The following CLK4 variants were observed in gnomAD, a reference collection of about 807,000 sequenced individuals.
CLK4 encodes the protein dual specificity protein kinase CLK4.
A neutral mutation model predicts 64.4 loss-of-function variants in CLK4; 37 were observed. The observed-to-expected ratio is 0.57, with a 90% CI of 0.44 to 0.76. The LOEUF (loss-of-function observed/expected upper bound fraction) is 0.76, where lower values mean the gene tolerates loss of function less well. Among genes scored for constraint, CLK4 ranks in the 30% least tolerant of loss-of-function variants. The pLI, the probability that CLK4 is intolerant of heterozygous loss-of-function variation, is 0.00. For missense variants in CLK4, 457 were observed against 605.1 expected, an observed-to-expected ratio of 0.76 and a Z score of 2.57; for synonymous variants, 175 against 191.6, an observed-to-expected ratio of 0.91 and a Z score of 0.72.
At chr5:178,623,178 A>C in intron 2 of CLK4, 78 bp downstream of exon 2, 1 of 1,316,444 alleles carries the variant, frequency 7.6e-7, no homozygotes, top group Non-Finnish European at 1.1e-6. Context: ...AATTTGACAG[A>C]TGAAAGCTAT....
At position 178,617,112 on chromosome 5, in the gene CLK4, TTAGA is replaced by T. The variant is rs1320361706; in HGVS notation, c.476-168_476-165del. The T allele has an allele frequency of 6.2e-6, 4 of 649,996 alleles. No individual in the cohort carries two copies. Among genetic ancestry groups the T allele is most frequent in the Non-Finnish European group, 1.1e-5 (4 of 368,522 alleles). 40.3% of individuals were successfully genotyped at this position (649,996 alleles called of 1,614,324 possible). A position where few individuals can be genotyped will look rare whatever the true frequency, so the allele number is the denominator to read the frequency against. On this transcript the variant is annotated intron_variant, in intron 4 of 12. Coordinates refer to ENST00000316308, the MANE Select transcript of CLK4 (RefSeq NM_020666.3). This position sits in a 1 kb window ranked among gnomAD's most constrained non-coding sequence, Gnocchi z 5.2. ...TTAGTTTCAGCTGCTACAAAAACAATTAGATAGAGCTATCTTTCTTGCTCTAATC... is the reference window on the plus strand; with the variant it reads ...TTAGTTTCAGCTGCTACAAAAACAATTAGAGCTATCTTTCTTGCTCTAATC...
chr5:178,613,874 A>C (rs372801870), intron 5 of CLK4, 31 bp from the exon 6 acceptor site: 8 of 1,527,270 alleles, frequency 5.2e-6, no homozygotes, highest in Non-Finnish European at 7.3e-6. Context: ...AAAAATGATA[A>C]ATGTACAAGA....
At chr5:178,613,669 T>C (rs1562128636) in intron 6 of CLK4, 30 bp from the exon 7 acceptor site, 1 of 1,607,098 alleles carries the variant, frequency 6.2e-7, no homozygotes, top group Non-Finnish European at 8.5e-7. Context: ...TAATTCAGTT[T>C]ATGGAAACCT....
chr5:178,616,846 A>C (rs745906262), intron 5 of CLK4, 36 bp downstream of exon 5: 3 of 1,447,382 alleles, frequency 2.1e-6, no homozygotes, highest in Non-Finnish European at 1.9e-6. Flanking sequence ...CCCACCAAAA[A>C]CATCAGAATG....
At chr5:178,615,486 T>C (rs760725428) in intron 5 of CLK4, among the ~76,000 whole-genome samples, 2 of 152,208 alleles carry the variant, frequency 1.3e-5, no homozygotes, top group Non-Finnish European at 2.9e-5. Flanking sequence ...ATTCACATAT[T>C]TGTTGCAGAA....
In CLK4 at chr5:178,617,514, C is replaced by A; in HGVS notation, c.385-80G>T. On this transcript the variant is annotated intron_variant, in intron 3 of 12. Coordinates refer to ENST00000316308, the MANE Select transcript of CLK4 (RefSeq NM_020666.3). This position sits in a 1 kb window ranked among gnomAD's most constrained non-coding sequence, Gnocchi z 5.2. Reference sequence around the variant, plus strand: ...TGAATTCAGGGCAGAATACGCAATTCATTCAGCGGGGAGATATTCAGGCAT... The same window carrying A: ...TGAATTCAGGGCAGAATACGCAATTAATTCAGCGGGGAGATATTCAGGCAT... 1 of 1,325,142 alleles carries A rather than the reference C, an allele frequency of 7.5e-7. No individual in the cohort carries two copies. Among genetic ancestry groups the A allele is most frequent in the Non-Finnish European group, 1.1e-6 (1 of 941,320 alleles). The allele number at this position is 1,325,142 out of a possible 1,614,324, so 82.1% of individuals were successfully genotyped here.
chr5:178,614,764 T>C (rs548967004), intron 5 of CLK4, among the ~76,000 whole-genome samples: 1 of 152,314 alleles, frequency 6.6e-6, no homozygotes, highest in East Asian at 1.9e-4. Flanking sequence ...AGTTCATTGC[T>C]TTCAACAAGG....
chr5:178,624,798 A>C (rs1439054349), intron 1 of CLK4, among the ~76,000 whole-genome samples: 1 of 152,188 alleles, frequency 6.6e-6, no homozygotes, highest in East Asian at 1.9e-4. Context: ...CAGAAATTTA[A>C]ATGATTTTAA....
intron 9 of CLK4, among the ~76,000 whole-genome samples, chr5:178,609,383 GGATAA>G (rs749178926): frequency 7.9e-5 from 12 of 152,264 alleles, no homozygotes; most frequent in Non-Finnish European, 1.6e-4. Flanking sequence ...TTGAACAAAT[GGATAA>G]TAATAGAGCA....
Position 178,603,296 on chromosome 5 carries a change from CA to C in CLK4, c.*320del. The C allele has an allele frequency of 6.0e-5, 10 of 165,824 alleles. No homozygotes were observed. Among genetic ancestry groups the C allele is most frequent in the South Asian group, 2.0e-4 (1 of 4,964 alleles). The allele number at this position is 165,824 out of a possible 1,614,324, so 10.3% of individuals were successfully genotyped here. A position where few individuals can be genotyped will look rare whatever the true frequency, so the allele number is the denominator to read the frequency against. ...AAAGTAGTCAAGATTTCCTTTTACT[CA>C]AAAAAAATCACTTCAGAGGTGACCT... is the stretch of plus-strand genomic sequence containing the variant. On this transcript the variant is annotated 3_prime_UTR_variant, in exon 13 of 13. Transcript: ENST00000316308.
intron 5 of CLK4, among the ~76,000 whole-genome samples, 171 bp downstream of exon 5, chr5:178,616,711 A>C (rs1289526753): frequency 1.3e-5 from 2 of 152,138 alleles, no homozygotes; most frequent in African/African-American, 2.4e-5. Context: ...CAGGAGAATC[A>C]CTTGAAGCCG....
At chr5:178,613,320 C>G (rs866146266) in intron 7 of CLK4, among the ~76,000 whole-genome samples, 153 bp downstream of exon 7, 62 of 152,240 alleles carry the variant, frequency 4.1e-4, no homozygotes, top group African/African-American at 1.4e-3. Context: ...ACTCGGGAGG[C>G]TGAGGCAGGA....
chr5:178,624,510 T>A (rs1319377743), intron 1 of CLK4, among the ~76,000 whole-genome samples: 1 of 151,606 alleles, frequency 6.6e-6, no homozygotes, highest in Non-Finnish European at 1.5e-5. Flanking sequence ...GCTGACTTTA[T>A]TTACAAACTC....
intron 1 of CLK4, among the ~76,000 whole-genome samples, chr5:178,625,422 CAAAAAAAAAAAAA>C (rs58734641): frequency 2.5e-5 from 3 of 121,548 alleles, no homozygotes; most frequent in Non-Finnish European, 3.4e-5. Flanking sequence ...GACCCTGTCT[CAAAAAAAAAAAAA>C]AAAAAAAAAA....
In CLK4 at chr5:178,603,850, C is replaced by T. The variant is rs771231025; in HGVS notation, c.1299G>A (p.Pro433=). 55 of 1,606,404 alleles carry T rather than the reference C, an allele frequency of 3.4e-5. No homozygotes were observed. The highest frequency in any genetic ancestry group is 6.7e-5 in the African/African-American group (5 of 74,298). The change falls in exon 12 of 13, where the codon CCG becomes CCA. Residue 433 remains proline, a synonymous_variant. Transcript: ENST00000316308. Reference sequence around the variant, plus strand: ...TTAATCTTTTTTCTTTTACCTTCAACGGTTTGCAGCGTCTCCTAACATATC... The same window carrying T: ...TTAATCTTTTTTCTTTTACCTTCAATGGTTTGCAGCGTCTCCTAACATATC... The part of the protein sequence containing the change: ...AGRYVRRRCK[P]LKEFMLCHDE...
intron 2 of CLK4, chr5:178,619,866 G>A: frequency 8.8e-7 from 1 of 1,133,648 alleles, no homozygotes; most frequent in Non-Finnish European, 1.2e-6. Flanking sequence ...TCAACAGAGT[G>A]CGAAGCTTCA....
chr5:178,620,803 T>G (rs1308488523), intron 2 of CLK4: 1 of 235,516 alleles, frequency 4.2e-6, no homozygotes. Context: ...TTACAACACA[T>G]GAGTGCTTAG....
At chr5:178,618,362 G>C (rs971098729) in intron 3 of CLK4, 194 bp downstream of exon 3, 7 of 221,556 alleles carry the variant, frequency 3.2e-5, no homozygotes, top group African/African-American at 1.6e-4. Flanking sequence ...GCAAATGAGG[G>C]CTAGCTAATA....
In CLK4 at chr5:178,612,918, G is replaced by A. The variant is rs371635907; in HGVS notation, c.827-28C>T. On this transcript the variant is annotated intron_variant, in intron 7 of 12. Transcript: ENST00000316308. ...ACAAGAGAACAAAAGCACATTATTA[G>A]TTTCACTTACAAACTTAATTTGTAC... The A allele has an allele frequency of 8.5e-6, 10 of 1,179,042 alleles. No homozygotes were observed. The African/African-American group carries it at 1.5e-4, about 18-fold the overall frequency. The allele number at this position is 1,179,042 out of a possible 1,614,324, so 73.0% of individuals were successfully genotyped here.
Sources: allele counts gnomAD v4.1 joint callset (sites outside exome capture counted in the v4.1 genomes callset), GRCh38; gene constraint gnomAD v4.1.1; non-coding constraint Gnocchi (gnomAD v3.1); transcripts MANE v1.5; gene names NCBI Gene and HGNC (gene_info 2026-07-23, HGNC 2026-07-21).